The following EFCAB3 variants were observed in gnomAD, a reference collection of about 807,000 sequenced individuals.
The protein encoded by EFCAB3 is EF-hand calcium-binding domain-containing protein 3.
In EFCAB3, 36 loss-of-function variants were observed where a neutral mutation model predicts 42.2. The ratio of observed to expected loss-of-function variants is 0.85; its 90% CI spans 0.65 to 1.13. EFCAB3 has a LOEUF of 1.13. EFCAB3 is among the 50% of genes most tolerant of loss of function. EFCAB3 has a pLI of 0.00. For missense variants in EFCAB3, 418 were observed against 505.1 expected (o/e 0.83, Z 1.65); for synonymous variants, 170 against 172.8 (o/e 0.98, Z 0.13).
intron 1 of EFCAB3, among the ~76,000 whole-genome samples, chr17:62,371,738 G>A (rs1296339646): frequency 6.6e-6 from 1 of 152,054 alleles, no homozygotes; most frequent in East Asian, 1.9e-4. Flanking sequence ...GGGGAAGGAG[G>A]GGGAATTTGG....
chr17:62,396,594 G>A (rs930740241), intron 6 of EFCAB3, among the ~76,000 whole-genome samples: 1 of 150,668 alleles, frequency 6.6e-6, no homozygotes, highest in African/African-American at 2.4e-5. Flanking sequence ...TTGAAGCTTC[G>A]TTTAAAAAAA....
At chr17:62,414,938 T>C (rs1345233328) in intron 9 of EFCAB3, among the ~76,000 whole-genome samples, 2 of 151,904 alleles carry the variant, frequency 1.3e-5, no homozygotes, top group Non-Finnish European at 1.5e-5. Context: ...ACCCCGTCTC[T>C]ACTAAAAATA....
At chr17:62,392,794 T>C (rs1187523756) in intron 4 of EFCAB3, among the ~76,000 whole-genome samples, 1 of 152,022 alleles carries the variant, frequency 6.6e-6, no homozygotes, top group Non-Finnish European at 1.5e-5. Flanking sequence ...CCCGCCACCA[T>C]GCCCGGCTAA....
In EFCAB3 at chr17:62,407,015, T is replaced by G; in HGVS notation, c.683-13T>G. ...CATTGTTTGTGATACCATTTTTGTT[T>G]TTATCTTTTTAGGATGCAATTCCGG... On this transcript the variant is annotated splice_polypyrimidine_tract_variant and intron_variant, in intron 7 of 9. Coordinates refer to ENST00000305286, the MANE Select transcript of EFCAB3 (RefSeq NM_173503.4). 1 of 1,568,364 alleles carries G rather than the reference T, an allele frequency of 6.4e-7. No individual in the cohort carries two copies. The highest frequency in any genetic ancestry group is 8.6e-7 in the Non-Finnish European group (1 of 1,162,728).
At chr17:62,414,057 CATCCTGCTATT>C (rs2070523210) in intron 9 of EFCAB3, among the ~76,000 whole-genome samples, 1 of 152,228 alleles carries the variant, frequency 6.6e-6, no homozygotes, top group Non-Finnish European at 1.5e-5. Context: ...TGTTATGATT[CATCCTGCTATT>C]CACCTATGCA....
rs771847060 is a variant in EFCAB3, at chr17:62,407,207, A to G, written c.862A>G (p.Thr288Ala). The G allele has an allele frequency of 3.2e-6, 5 of 1,580,964 alleles. No homozygotes were observed. In the South Asian group the frequency reaches 3.5e-5, roughly 11 times the overall value. Residue 288 changes from threonine to alanine, a missense_variant, in exon 8 of 10, where the codon ACA (threonine) becomes GCA (alanine). Physicochemically the swap from Thr to Ala is moderately conservative, Grantham distance 58. Transcript: ENST00000305286. ...TTTTTTCCATAAAAGAGACTGGAAA[A>G]CACAGGTGAGATTTAGATTATGTCA... ...DYFFHKRDWK[T>A]QAANIKSMDP...
At chr17:62,392,077 CA>C in intron 4 of EFCAB3, 112 bp downstream of exon 4, 1 of 858,086 alleles carries the variant, frequency 1.2e-6, no homozygotes, top group Non-Finnish European at 1.6e-6. Flanking sequence ...CTTGCCCCCC[CA>C]AATATATATA....
rs114729569 is a variant in EFCAB3 at position 62,405,359 on chromosome 17, T to C, written c.489-1121T>C. 6.5e-3 allele frequency among the ~76,000 whole-genome samples: 996 copies of C among 152,328 alleles called. 10 individuals carry two copies. The highest frequency in any genetic ancestry group is 0.023 in the African/African-American group (955 of 41,570). On this transcript the variant is annotated intron_variant, in intron 6 of 9. Coordinates refer to ENST00000305286, the MANE Select transcript of EFCAB3 (RefSeq NM_173503.4). ...CAACATTTAGAATGAGTCCTTTCCC[T>C]CTTCCTGAGAGGAAAGAAAAGGTTG...
At chr17:62,407,445 T>C (rs2070458125) in intron 8 of EFCAB3, among the ~76,000 whole-genome samples, 1 of 152,106 alleles carries the variant, frequency 6.6e-6, no homozygotes, top group African/African-American at 2.4e-5. Flanking sequence ...AATATAGGAA[T>C]AATAACAATA....
At chr17:62,409,206 G>A (rs181983177) in intron 8 of EFCAB3, among the ~76,000 whole-genome samples, 227 of 152,012 alleles carry the variant, frequency 1.5e-3, no homozygotes, top group Non-Finnish European at 2.3e-3. Context: ...ACAGGCATGC[G>A]CCACCACACC....
At chr17:62,381,772 A>G in intron 1 of EFCAB3, 1 of 408,786 alleles carries the variant, frequency 2.4e-6, no homozygotes, top group South Asian at 2.0e-5. Flanking sequence ...ATCGAGGCGG[A>G]CGACGACCGG....
upstream of EFCAB3, chr17:62,378,048 G>C: frequency 2.0e-6 from 3 of 1,527,412 alleles, no homozygotes; most frequent in Non-Finnish European, 2.7e-6. Context: ...TGAAGCCATT[G>C]TAAAGATGGG....
chr17:62,388,169 C>T (rs2070271634), intron 3 of EFCAB3, among the ~76,000 whole-genome samples: 2 of 152,118 alleles, frequency 1.3e-5, no homozygotes, highest in Admixed American at 1.3e-4. Flanking sequence ...CGAGATCGCG[C>T]CACTGCACAC....
upstream of EFCAB3, chr17:62,377,984 T>A: frequency 6.5e-7 from 1 of 1,549,540 alleles, no homozygotes; most frequent in East Asian, 2.5e-5. Flanking sequence ...GAATGGTGAC[T>A]CTGCATAAGT....
chr17:62,412,269 G>T (rs888434802), intron 8 of EFCAB3, among the ~76,000 whole-genome samples: 4 of 149,958 alleles, frequency 2.7e-5, no homozygotes, highest in African/African-American at 9.8e-5. Context: ...CCAGCTACTA[G>T]GGAGGCTGAG....
chr17:62,374,140 T>A (rs1421901763), intron 2 of EFCAB3, among the ~76,000 whole-genome samples: 1 of 152,190 alleles, frequency 6.6e-6, no homozygotes, highest in African/African-American at 2.4e-5. Context: ...TCCCTTTTCT[T>A]ACTCATATTA....
intron 2 of EFCAB3, among the ~76,000 whole-genome samples, chr17:62,374,239 T>C (rs1390917039): frequency 1.3e-5 from 2 of 152,130 alleles, no homozygotes; most frequent in Non-Finnish European, 2.9e-5. Flanking sequence ...GGCGGGTGGA[T>C]CACCTGAGGT....
At chr17:62,394,635 G>A (rs2070333856) in intron 5 of EFCAB3, among the ~76,000 whole-genome samples, 1 of 152,102 alleles carries the variant, frequency 6.6e-6, no homozygotes, top group African/African-American at 2.4e-5. Context: ...CATTATTCAT[G>A]TTTTCTAGGA....
rs563174635 is a variant in EFCAB3, at chr17:62,415,113, A to C, written c.991-890A>C. 1.2e-3 allele frequency among the ~76,000 whole-genome samples: 177 copies of C among 146,838 alleles called. 1 individual carries two copies. Among genetic ancestry groups the C allele is most frequent in the East Asian group, 9.3e-3 (39 of 4,176 alleles). The stretch of plus-strand genomic sequence containing the variant: ...GGCAAGACTCCGTCTCAAAAACAAA[A>C]AAAAACAAAAAAAAACAAAAAAACC... On this transcript the variant is annotated intron_variant, in intron 9 of 9. Transcript: ENST00000305286.
Sources: gnomAD v4.1 joint callset for allele counts (sites outside exome capture counted in the v4.1 genomes callset) on GRCh38, gnomAD v4.1.1 for gene constraint, MANE v1.5 for transcripts, NCBI Gene and HGNC (gene_info 2026-07-23, HGNC 2026-07-21) for gene names.